ATE1: variants seen among roughly 807,000 people sequenced by gnomAD.
ATE1 encodes arginyl-tRNA--protein transferase 1.
A neutral mutation model predicts 70.5 loss-of-function variants in ATE1; 36 were observed. The ratio of observed to expected loss-of-function variants is 0.51; its 90% CI spans 0.39 to 0.67. The LOEUF (loss-of-function observed/expected upper bound fraction) is 0.67, where lower values mean the gene tolerates loss of function less well. ATE1 is among the 30% of genes least tolerant of loss of function. The probability of loss-of-function intolerance (pLI) is 0.00; values close to 1 mark genes in which losing one functional copy is unlikely to be tolerated. For synonymous variants in ATE1, 232 were observed against 219.3 expected, an observed-to-expected ratio of 1.06 and a Z score of -0.51; for missense variants, 593 against 629.5, an observed-to-expected ratio of 0.94 and a Z score of 0.62.
At chr10:121,875,309 T>G (rs1290079358) in intron 7 of ATE1, among the ~76,000 whole-genome samples, 1 of 2,638 alleles carries the variant, frequency 3.8e-4, no homozygotes, top group Non-Finnish European at 1.8e-3. Context: ...TTTTTTTTTG[T>G]TTTTTTTTTT....
chr10:121,920,959 A>G lies in ATE1; in HGVS notation c.233+1390T>C, dbSNP rs920346380. On this transcript the variant is annotated intron_variant, in intron 3 of 11. Coordinates refer to ENST00000224652, the MANE Select transcript of ATE1 (RefSeq NM_001001976.3). ...CAGTGAGCCGAGATCGCGCCATTGC[A>G]CTCCAGCCCAGGCGACAGTGCGAGA... Among the ~76,000 whole-genome samples, 3 of 150,632 alleles carry G rather than the reference A, an allele frequency of 2.0e-5. No homozygotes were observed. The Admixed American group carries it at 2.0e-4, about 10-fold the overall frequency.
intron 3 of ATE1, among the ~76,000 whole-genome samples, chr10:121,914,232 A>G (rs1951553437): frequency 1.3e-5 from 2 of 151,802 alleles, no homozygotes; most frequent in South Asian, 4.2e-4. Context: ...ATGCCCTACT[A>G]ATTTTTATAT....
At position 121,868,750 on chromosome 10, in the gene ATE1, C is replaced by T. The variant is rs142062599; in HGVS notation, c.975+1256G>A. On this transcript the variant is annotated intron_variant, in intron 8 of 11. Coordinates refer to ENST00000224652, the MANE Select transcript of ATE1 (RefSeq NM_001001976.3). ...TTTCCACTATACCACTCTGCTTCCC[C>T]GTTGATCCTGGATACTCAGACAATG... is the stretch of plus-strand genomic sequence containing the variant. Among the ~76,000 whole-genome samples, 909 of 152,212 alleles carry T rather than the reference C, an allele frequency of 6.0e-3. 4 individuals carry two copies. Among genetic ancestry groups the T allele is most frequent in the Non-Finnish European group, 0.01 (689 of 68,012 alleles).
At position 121,924,294 on chromosome 10, in the gene ATE1, G is replaced by A; in HGVS notation, c.142C>T (p.Gln48Ter). 1 of 1,614,124 alleles carries A rather than the reference G, an allele frequency of 6.2e-7. No individual in the cohort carries two copies. The highest frequency in any genetic ancestry group is 8.5e-7 in the Non-Finnish European group (1 of 1,179,962). The change falls in exon 2 of 12, where the codon CAG becomes TAG. Residue 48 changes from glutamine (Q) to a stop codon, truncating the protein, a stop_gained. Transcript: ENST00000224652. LOFTEE classifies it high-confidence loss of function. Reference protein sequence around the residue: ...WAHSMTVQDYQDLIDRGWRRS... With the variant: ...WAHSMTVQDY ...CGCCATCCTCGGTCTATGAGATCCT[G>A]ATAATCCTGTACTGTCATGGAATGT... is the stretch of plus-strand genomic sequence containing the variant.
At chr10:121,870,573 C>T (rs1949819352) in intron 7 of ATE1, among the ~76,000 whole-genome samples, 1 of 152,124 alleles carries the variant, frequency 6.6e-6, no homozygotes, top group African/African-American at 2.4e-5. Flanking sequence ...GTGGTCTTTA[C>T]CATGTTCTGA....
At chr10:121,855,585 T>G (rs1949218941) in intron 8 of ATE1, among the ~76,000 whole-genome samples, 1 of 152,222 alleles carries the variant, frequency 6.6e-6, no homozygotes. Flanking sequence ...AAGCCGTTAT[T>G]TCTCATTGTA....
At chr10:121,802,544 G>A (rs959278347) in intron 10 of ATE1, among the ~76,000 whole-genome samples, 5 of 152,022 alleles carry the variant, frequency 3.3e-5, no homozygotes, top group Non-Finnish European at 7.4e-5. Context: ...CAAGACCTGA[G>A]GTGATCTGCT....
chr10:121,760,160 T>A (rs550056633), intron 11 of ATE1, among the ~76,000 whole-genome samples: 4 of 152,222 alleles, frequency 2.6e-5, no homozygotes, highest in Non-Finnish European at 4.4e-5. Context: ...AGAGTTCCGA[T>A]GAAGTTATAC....
chr10:121,792,942 T>A (rs1013520353), intron 10 of ATE1, among the ~76,000 whole-genome samples: 2 of 152,190 alleles, frequency 1.3e-5, no homozygotes, highest in African/African-American at 2.4e-5. Context: ...CTATACTTCC[T>A]CAAAATTATC....
chr10:121,913,727 G>T, intron 4 of ATE1, 63 bp downstream of exon 4: 1 of 1,146,684 alleles, frequency 8.7e-7, no homozygotes, highest in South Asian at 1.4e-5. Flanking sequence ...TTCCCAAGAT[G>T]ACTGAAAGTG....
intron 11 of ATE1, among the ~76,000 whole-genome samples, chr10:121,778,344 T>C (rs2135935137): frequency 6.6e-6 from 1 of 152,338 alleles, no homozygotes; most frequent in South Asian, 2.1e-4. Flanking sequence ...TTTAATGCCC[T>C]AAGGATCACA....
intron 10 of ATE1, among the ~76,000 whole-genome samples, chr10:121,796,631 A>G (rs1310907011): frequency 6.6e-6 from 1 of 152,210 alleles, no homozygotes; most frequent in Non-Finnish European, 1.5e-5. Context: ...TACTTGTAAG[A>G]CTCAATTAAA....
chr10:121,755,794 C>T lies in ATE1; in HGVS notation c.1379-11936G>A, dbSNP rs11200132. ...GCATGGGAAAGACCCACCCCCATAA[C>T]TCACCACTGGGTCCCTCCCAAAACA... On this transcript the variant is annotated intron_variant, in intron 11 of 11. Transcript: ENST00000224652. Among the ~76,000 whole-genome samples, 744 of 152,336 alleles carry T rather than the reference C, an allele frequency of 4.9e-3. 10 individuals carry two copies. The highest frequency in any genetic ancestry group is 0.029 in the East Asian group (148 of 5,182).
At chr10:121,879,507 T>A (rs1950164342) in intron 7 of ATE1, among the ~76,000 whole-genome samples, 1 of 152,178 alleles carries the variant, frequency 6.6e-6, no homozygotes, top group African/African-American at 2.4e-5. Context: ...ACATCCTCAG[T>A]CCAAAATAAT....
intron 9 of ATE1, among the ~76,000 whole-genome samples, chr10:121,837,857 C>A (rs1255410399): frequency 6.6e-6 from 1 of 152,120 alleles, no homozygotes; most frequent in African/African-American, 2.4e-5. Flanking sequence ...CGTAAGACCA[C>A]CAATTCCGAG....
intron 10 of ATE1, among the ~76,000 whole-genome samples, chr10:121,790,964 G>A (rs5788517): frequency 0.035 from 3,258 of 93,224 alleles, 186 homozygotes; most frequent in East Asian, 0.32. Context: ...ATATATATAT[G>A]TGTGTGTACA....
At chr10:121,756,342 T>C (rs887985052) in intron 11 of ATE1, among the ~76,000 whole-genome samples, 3 of 152,212 alleles carry the variant, frequency 2.0e-5, no homozygotes, top group Admixed American at 6.5e-5. Flanking sequence ...GCGTTGAGTG[T>C]CTGCAGCTTT....
At chr10:121,902,825 T>C (rs1340273961) in intron 5 of ATE1, among the ~76,000 whole-genome samples, 8 of 152,122 alleles carry the variant, frequency 5.3e-5, no homozygotes, top group Non-Finnish European at 8.8e-5. Flanking sequence ...AGAAAGTAAA[T>C]AGCACAGAAA....
intron 11 of ATE1, among the ~76,000 whole-genome samples, chr10:121,785,581 T>A (rs1026636177): frequency 6.6e-6 from 1 of 152,034 alleles, no homozygotes; most frequent in Non-Finnish European, 1.5e-5. Context: ...CCAGCAAGAA[T>A]GATGGGCAGA....
Sources: gnomAD v4.1 joint callset for allele counts (sites outside exome capture counted in the v4.1 genomes callset) on GRCh38, gnomAD v4.1.1 for gene constraint, MANE v1.5 for transcripts, NCBI Gene and HGNC (gene_info 2026-07-23, HGNC 2026-07-21) for gene names.